CSMD1: variants seen among roughly 807,000 people sequenced by gnomAD.
CSMD1 encodes the protein CUB and Sushi multiple domains 1, also known as CUB and sushi domain-containing protein 1.
In CSMD1, 213 loss-of-function variants were observed where a neutral mutation model predicts 417.5. That is an observed-to-expected ratio of 0.51 (90% CI 0.46 to 0.57). The LOEUF is 0.57. CSMD1 is among the 20% of genes least tolerant of loss of function. CSMD1 has a pLI of 0.00. For missense variants in CSMD1, 6,923 were observed against 4,529.7 expected (o/e 1.53, Z -15.17); for synonymous variants, 2,862 against 1,736.8 (o/e 1.65, Z -16.11).
intron 2 of CSMD1, among the ~76,000 whole-genome samples, chr8:4,477,295 T>C (rs1487421502): frequency 1.3e-5 from 2 of 152,056 alleles, no homozygotes; most frequent in African/African-American, 4.8e-5. Context: ...GCTGAGCTGG[T>C]CCTCACCGTG....
At chr8:3,065,610 A>T (rs1439125897) in intron 49 of CSMD1, among the ~76,000 whole-genome samples, 1 of 152,212 alleles carries the variant, frequency 6.6e-6, no homozygotes, top group Non-Finnish European at 1.5e-5. Flanking sequence ...AGATAGAAAG[A>T]TAGGAAGATG....
chr8:4,425,570 A>C lies in CSMD1; in HGVS notation c.303-5505T>G, dbSNP rs1797501435. Among the ~76,000 whole-genome samples the C allele has an allele frequency of 2.0e-5, 3 of 152,102 alleles. No homozygotes were observed. In the East Asian group the frequency reaches 5.8e-4, roughly 29 times the overall value. On this transcript the variant is annotated intron_variant, in intron 2 of 69. Transcript: ENST00000635120. ...CAAGACTCACTCCTTGGTGGCTCAC[A>C]AATGTGCTCCTGAAGACATGAAAGT...
intron 1 of CSMD1, among the ~76,000 whole-genome samples, chr8:4,759,579 G>C (rs557092660): frequency 2.2e-4 from 21 of 97,496 alleles, no homozygotes; most frequent in Admixed American, 6.0e-4. Context: ...CCATCCCCCT[G>C]TCAGGTCCCC....
rs773629518 is a variant in CSMD1, at chr8:3,230,220, C to A, written c.4165G>T (p.Ala1389Ser). ...GGCATACCTGGATCGTTACAGGTGG[C>A]TGCAATTGAGGCTGCAAACAAAAGA... ...FSIQFSTSIAATCNDPGMPQN... is the reference protein window; with the variant it reads ...FSIQFSTSIASTCNDPGMPQN... The change falls in exon 27 of 70, where the codon GCC becomes TCC. Residue 1389 changes from alanine (A) to serine (S), a missense_variant. Physicochemically the swap from Ala to Ser is moderately conservative, Grantham distance 99 (BLOSUM62 1). Transcript: ENST00000635120. The A allele has an allele frequency of 2.3e-5, 37 of 1,584,514 alleles. No individual in the cohort carries two copies. In the South Asian group the frequency reaches 3.9e-4, roughly 17 times the overall value.
chr8:4,984,166 A>G (rs1811052185), intron 1 of CSMD1, among the ~76,000 whole-genome samples: 1 of 152,234 alleles, frequency 6.6e-6, no homozygotes, highest in Non-Finnish European at 1.5e-5. Context: ...TTGGTATTAC[A>G]TCCTGGAGGT....
At chr8:3,975,639 C>G (rs903256570) in intron 5 of CSMD1, among the ~76,000 whole-genome samples, 2 of 152,086 alleles carry the variant, frequency 1.3e-5, no homozygotes, top group Non-Finnish European at 2.9e-5. Context: ...CCTGTAGGTG[C>G]CCAGCAGTGC....
chr8:4,272,802 C>G (rs1240962722), intron 3 of CSMD1, among the ~76,000 whole-genome samples: 1 of 152,140 alleles, frequency 6.6e-6, no homozygotes, highest in Non-Finnish European at 1.5e-5. Flanking sequence ...TTTACTCTAA[C>G]TCACCACTAT....
chr8:3,710,011 C>T (rs1291353872), intron 6 of CSMD1, among the ~76,000 whole-genome samples: 1 of 151,870 alleles, frequency 6.6e-6, no homozygotes, highest in Non-Finnish European at 1.5e-5. Context: ...CCCCCAAAAA[C>T]CTAAATGAAA....
intron 1 of CSMD1, among the ~76,000 whole-genome samples, chr8:4,825,232 T>C (rs1563507053): frequency 6.6e-6 from 1 of 152,098 alleles, no homozygotes; most frequent in Admixed American, 6.6e-5. Flanking sequence ...TTAATATACA[T>C]ACTTGGAGGC....
chr8:4,090,791 C>T (rs566258665), intron 3 of CSMD1, among the ~76,000 whole-genome samples: 16 of 151,848 alleles, frequency 1.1e-4, no homozygotes, highest in Admixed American at 4.6e-4. Context: ...TTCACTGGTG[C>T]GTGGTTAAAG....
intron 27 of CSMD1, among the ~76,000 whole-genome samples, chr8:3,228,200 A>G (rs1048768531): frequency 6.6e-5 from 10 of 152,240 alleles, no homozygotes; most frequent in East Asian, 3.8e-4. Flanking sequence ...AGTTTATAAA[A>G]TGTCTTCAGT....
intron 1 of CSMD1, among the ~76,000 whole-genome samples, chr8:4,829,498 T>G (rs958777354): frequency 1.3e-5 from 2 of 152,050 alleles, no homozygotes; most frequent in Non-Finnish European, 2.9e-5. Flanking sequence ...TCTCAGCACT[T>G]TACCAGGCTG....
chr8:3,608,736 C>A (rs1801743703), intron 8 of CSMD1, among the ~76,000 whole-genome samples: 1 of 146,996 alleles, frequency 6.8e-6, no homozygotes, highest in African/African-American at 2.6e-5. Context: ...TGCACTCCAG[C>A]CTGGACAACA....
chr8:4,360,940 C>G (rs955241759), intron 3 of CSMD1, among the ~76,000 whole-genome samples: 1 of 152,148 alleles, frequency 6.6e-6, no homozygotes, highest in African/African-American at 2.4e-5. Context: ...TCTTTTTAAT[C>G]ATTTCATGGG....
chr8:4,417,976 C>A (rs1008396393), intron 3 of CSMD1, among the ~76,000 whole-genome samples: 1 of 152,026 alleles, frequency 6.6e-6, no homozygotes, highest in Non-Finnish European at 1.5e-5. Flanking sequence ...TTACCTTACT[C>A]TTCCACTTAA....
chr8:4,976,866 A>T (rs1810591431), intron 1 of CSMD1, among the ~76,000 whole-genome samples: 1 of 152,194 alleles, frequency 6.6e-6, no homozygotes, highest in South Asian at 2.1e-4. Flanking sequence ...TGCTTAAAGA[A>T]ATATAGAGGG....
At chr8:4,197,326 G>C (rs1169981462) in intron 3 of CSMD1, among the ~76,000 whole-genome samples, 1 of 152,190 alleles carries the variant, frequency 6.6e-6, no homozygotes, top group African/African-American at 2.4e-5. Context: ...AACCTGACTT[G>C]GCCATAGGAT....
At chr8:4,877,549 G>A (rs557095077) in intron 1 of CSMD1, among the ~76,000 whole-genome samples, 1 of 151,900 alleles carries the variant, frequency 6.6e-6, no homozygotes, top group Non-Finnish European at 1.5e-5. Flanking sequence ...TCAATGCATT[G>A]CACTAAGTTC....
At chr8:4,797,913 G>T (rs561782873) in intron 1 of CSMD1, among the ~76,000 whole-genome samples, 1 of 152,152 alleles carries the variant, frequency 6.6e-6, no homozygotes, top group African/African-American at 2.4e-5. Context: ...CCACAGAAGG[G>T]CATGACAGAT....
Sources: allele counts gnomAD v4.1 joint callset (sites outside exome capture counted in the v4.1 genomes callset), GRCh38; gene constraint gnomAD v4.1.1; transcripts MANE v1.5; gene names NCBI Gene and HGNC (gene_info 2026-07-23, HGNC 2026-07-21).